DOCK5: variants seen among roughly 807,000 people sequenced by gnomAD.
The protein encoded by DOCK5 is dedicator of cytokinesis 5.
Under a neutral mutation model 251.8 loss-of-function variants are expected in DOCK5, and 142 were observed. The observed-to-expected ratio is 0.56, with a 90% CI of 0.49 to 0.65. The LOEUF (loss-of-function observed/expected upper bound fraction) is 0.65. Among genes scored for constraint, DOCK5 ranks in the 30% least tolerant of loss-of-function variants. The probability of loss-of-function intolerance (pLI) is 0.00; values close to 1 mark genes in which losing one functional copy is unlikely to be tolerated. For synonymous variants in DOCK5, 842 were observed against 835.5 expected, an observed-to-expected ratio of 1.01 and a Z score of -0.13; for missense variants, 2,111 against 2,312.3, an observed-to-expected ratio of 0.91 and a Z score of 1.79.
chr8:25,210,973 C>T lies in DOCK5; in HGVS notation c.43+26022C>T, dbSNP rs1802117735. On this transcript the variant is annotated intron_variant, in intron 1 of 51. Transcript: ENST00000276440. ...CTTTGTCTACTGGAAACACAATTAT[C>T]TGTACTCAAATGACATCTAATAATA... Among the ~76,000 whole-genome samples, 2 of 69,932 alleles carry T rather than the reference C, an allele frequency of 2.9e-5. 1 individual carries two copies. Among genetic ancestry groups the T allele is most frequent in the South Asian group, 7.7e-4 (2 of 2,598 alleles). The allele number at this position is 69,932 out of a possible 152,430, so 45.9% of individuals were successfully genotyped here. A position where few individuals can be genotyped will look rare whatever the true frequency, so the allele number is the denominator to read the frequency against.
At chr8:25,197,185 C>A (rs1234544005) in intron 1 of DOCK5, among the ~76,000 whole-genome samples, 1 of 152,172 alleles carries the variant, frequency 6.6e-6, no homozygotes, top group African/African-American at 2.4e-5. Flanking sequence ...CACCAGCATA[C>A]CTCCGGAATA....
intron 1 of DOCK5, among the ~76,000 whole-genome samples, chr8:25,217,566 C>T (rs748773973): frequency 6.6e-6 from 1 of 152,126 alleles, no homozygotes; most frequent in Non-Finnish European, 1.5e-5. Flanking sequence ...GTTCTAATGC[C>T]TTTAGTTCCA....
intron 1 of DOCK5, among the ~76,000 whole-genome samples, chr8:25,237,389 A>G (rs1040402580): frequency 2.0e-5 from 3 of 152,094 alleles, no homozygotes; most frequent in Admixed American, 6.5e-5. Flanking sequence ...AAAAATAAAC[A>G]TAAAAAAAGA....
rs115120933 is a variant in DOCK5, at chr8:25,378,369, A to G, written c.3936+945A>G. On this transcript the variant is annotated intron_variant, in intron 38 of 51. Coordinates refer to ENST00000276440, the MANE Select transcript of DOCK5 (RefSeq NM_024940.8). ...CAGATACATGATTTAATATACAACA[A>G]TAACTCACAGCTACTGTTTATTCTT... 6.4e-4 allele frequency among the ~76,000 whole-genome samples: 98 copies of G among 152,320 alleles called. 1 individual carries two copies. Among genetic ancestry groups the G allele is most frequent in the African/African-American group, 2.2e-3 (93 of 41,576 alleles).
At chr8:25,279,071 G>C (rs1234364716) in intron 5 of DOCK5, among the ~76,000 whole-genome samples, 2 of 152,140 alleles carry the variant, frequency 1.3e-5, no homozygotes, top group East Asian at 3.9e-4. Context: ...ATGTATACCA[G>C]TGAACTGAAA....
intron 45 of DOCK5, among the ~76,000 whole-genome samples, chr8:25,396,237 A>G (rs937302561): frequency 1.3e-5 from 2 of 152,160 alleles, no homozygotes; most frequent in South Asian, 4.1e-4. Flanking sequence ...AAAATTGGCC[A>G]GGCATGATGG....
At chr8:25,301,269 G>A (rs1586309286) in intron 9 of DOCK5, among the ~76,000 whole-genome samples, 1 of 152,182 alleles carries the variant, frequency 6.6e-6, no homozygotes, top group Non-Finnish European at 1.5e-5. Context: ...CTCTATCAAT[G>A]TGCCACAATA....
At chr8:25,402,009 G>A (rs2659592) in intron 47 of DOCK5, among the ~76,000 whole-genome samples, 136,093 of 152,272 alleles carry the variant, frequency 0.89, 62,787 homozygotes, top group East Asian at 1. Flanking sequence ...TGGATAGTGC[G>A]TGTATGTACT....
chr8:25,337,850 G>A (rs566082353), intron 22 of DOCK5, among the ~76,000 whole-genome samples: 1 of 152,044 alleles, frequency 6.6e-6, no homozygotes, highest in Non-Finnish European at 1.5e-5. Context: ...CTCCGAAAGT[G>A]CTGGAATTAC....
intron 15 of DOCK5, 115 bp from the exon 16 acceptor site, chr8:25,320,865 A>T: frequency 1.2e-6 from 1 of 828,500 alleles, no homozygotes; most frequent in Non-Finnish European, 1.9e-6. Context: ...ACCAAATCTC[A>T]CTCTCTAGTA....
At chr8:25,304,131 A>G in intron 10 of DOCK5, 124 bp from the exon 11 acceptor site, 1 of 796,914 alleles carries the variant, frequency 1.3e-6, no homozygotes. Context: ...AAATTTTAAA[A>G]AAGTCCCTGC....
At chr8:25,370,390 A>T (rs1009224607) in intron 34 of DOCK5, among the ~76,000 whole-genome samples, 6 of 152,226 alleles carry the variant, frequency 3.9e-5, no homozygotes, top group Non-Finnish European at 7.3e-5. Flanking sequence ...CTATTTTTTG[A>T]TATCATCATG....
intron 1 of DOCK5, among the ~76,000 whole-genome samples, chr8:25,208,688 A>G (rs1802059460): frequency 6.6e-6 from 1 of 152,240 alleles, no homozygotes; most frequent in Non-Finnish European, 1.5e-5. Context: ...TTTTATAGGC[A>G]CAGGGGAACC....
chr8:25,192,428 A>G (rs1801606343), intron 1 of DOCK5, among the ~76,000 whole-genome samples: 1 of 152,180 alleles, frequency 6.6e-6, no homozygotes, highest in Non-Finnish European at 1.5e-5. Context: ...GTTCATCGTC[A>G]CCTTGGTTTT....
Position 25,292,103 on chromosome 8 carries a change from G to A in DOCK5, c.401G>A (p.Gly134Glu), listed in dbSNP as rs778690121. 6.9e-6 allele frequency: 11 copies of A among 1,590,616 alleles called. No individual in the cohort carries two copies. The South Asian group carries it at 1.1e-4, about 17-fold the overall frequency. Residue 134 changes from glycine (G) to glutamate (E), a missense_variant, in exon 6 of 52, where the codon GGG (glycine) becomes GAG (glutamate). Coordinates refer to ENST00000276440, the MANE Select transcript of DOCK5 (RefSeq NM_024940.8). ...LIEWRSQILS[G>E]TLPKDELAEL... ...GAGTGGCGGTCCCAGATCCTGTCTG[G>A]GACGCTCCCCAAGGATGAACTGGCA... is the stretch of plus-strand genomic sequence containing the variant.
intron 25 of DOCK5, among the ~76,000 whole-genome samples, chr8:25,343,400 C>A (rs1347110641): frequency 6.6e-6 from 1 of 152,130 alleles, no homozygotes; most frequent in African/African-American, 2.4e-5. Context: ...TATGTAAGGA[C>A]CTCCTGGGAG....
intron 34 of DOCK5, among the ~76,000 whole-genome samples, chr8:25,370,609 GTCC>G (rs1398229778): frequency 1.3e-5 from 2 of 152,092 alleles, no homozygotes; most frequent in Non-Finnish European, 2.9e-5. Context: ...GGCTCAAGCA[GTCC>G]TCCCGCCTCA....
intron 1 of DOCK5, among the ~76,000 whole-genome samples, chr8:25,216,123 G>A (rs1802238577): frequency 2.0e-5 from 3 of 150,838 alleles, no homozygotes; most frequent in Admixed American, 1.3e-4. Flanking sequence ...CAATATGTAT[G>A]TATACAATAT....
At chr8:25,383,084 C>T (rs180859605) in intron 40 of DOCK5, among the ~76,000 whole-genome samples, 181 of 152,242 alleles carry the variant, frequency 1.2e-3, no homozygotes, top group African/African-American at 4.2e-3. Flanking sequence ...TGATGTATTT[C>T]GTTGTTTACC....
Sources: allele counts gnomAD v4.1 joint callset (sites outside exome capture counted in the v4.1 genomes callset), GRCh38; gene constraint gnomAD v4.1.1; transcripts MANE v1.5; gene names NCBI Gene and HGNC (gene_info 2026-07-23, HGNC 2026-07-21).